The following RNF121 variants were observed in gnomAD, a reference collection of about 807,000 sequenced individuals.
RNF121 encodes ring finger protein 121.
RNF121 carries 21 observed loss-of-function variants against 46.5 expected under a neutral mutation model. The observed-to-expected ratio is 0.45, with a 90% CI of 0.32 to 0.65. The LOEUF is 0.65. RNF121 is among the 30% of genes least tolerant of loss of function. The probability of loss-of-function intolerance (pLI) is 0.04; values close to 1 mark genes in which losing one functional copy is unlikely to be tolerated. For missense variants in RNF121, 346 were observed against 416.0 expected, an observed-to-expected ratio of 0.83 and a Z score of 1.46; for synonymous variants, 139 against 144.7, an observed-to-expected ratio of 0.96 and a Z score of 0.28.
At chr11:71,991,933 C>T (rs1954869580) in intron 6 of RNF121, among the ~76,000 whole-genome samples, 1 of 149,800 alleles carries the variant, frequency 6.7e-6, no homozygotes, top group African/African-American at 2.5e-5. Context: ...AGTGAGACCC[C>T]ATCTCTACAA....
At chr11:71,983,047 C>A in intron 4 of RNF121, 132 bp downstream of exon 4, 1 of 730,780 alleles carries the variant, frequency 1.4e-6, no homozygotes. Context: ...TGGGGCCTCT[C>A]TAAAACAAGC....
Position 71,997,225 on chromosome 11 carries a change from T to TGTAC in RNF121, c.*913_*916dup, listed in dbSNP as rs1446381962. ...ATGCGTGTGTGTGTGTGTGTGTGTG[T>TGTAC]GTACGTGAGGCAGAAGAATATGACA... On this transcript the variant is annotated 3_prime_UTR_variant, in exon 9 of 9. Transcript: ENST00000361756. 1 of 152,124 alleles carries TGTAC rather than the reference T, an allele frequency of 6.6e-6. No homozygotes were observed. Among genetic ancestry groups the TGTAC allele is most frequent in the Non-Finnish European group, 1.5e-5 (1 of 68,030 alleles). 9.4% of individuals were successfully genotyped at this position (152,124 alleles called of 1,614,324 possible).
chr11:71,955,273 A>T (rs977973629), intron 1 of RNF121, among the ~76,000 whole-genome samples: 2 of 152,208 alleles, frequency 1.3e-5, no homozygotes, highest in Non-Finnish European at 2.9e-5. Flanking sequence ...CTAAGATAAC[A>T]TGAGACTGAA....
intron 6 of RNF121, among the ~76,000 whole-genome samples, chr11:71,994,004 C>T (rs917383178): frequency 1.3e-5 from 2 of 151,938 alleles, no homozygotes; most frequent in African/African-American, 4.8e-5. Flanking sequence ...CCATGCCTGG[C>T]TAATTTTTTG....
At chr11:71,990,557 C>G in intron 5 of RNF121, 40 bp from the exon 6 acceptor site, 4 of 1,608,844 alleles carry the variant, frequency 2.5e-6, no homozygotes, top group Non-Finnish European at 3.4e-6. Context: ...GAAGATATGT[C>G]TCAGGGTGGG....
intron 1 of RNF121, among the ~76,000 whole-genome samples, chr11:71,953,879 A>C (rs1238704762): frequency 6.6e-6 from 1 of 152,218 alleles, no homozygotes; most frequent in Non-Finnish European, 1.5e-5. Flanking sequence ...CCTAAAAAAA[A>C]TGTAGCAGTC....
intron 3 of RNF121, among the ~76,000 whole-genome samples, chr11:71,963,996 G>A (rs1373107913): frequency 6.6e-6 from 1 of 152,152 alleles, no homozygotes; most frequent in Admixed American, 6.5e-5. Flanking sequence ...GCTATTCTGA[G>A]TCCTTTGCAA....
intron 3 of RNF121, among the ~76,000 whole-genome samples, chr11:71,967,344 T>G (rs1301081053): frequency 1.1e-5 from 1 of 94,452 alleles, no homozygotes; most frequent in African/African-American, 3.2e-5. Context: ...ATGTGGGTTT[T>G]TTTTGTTTTT....
intron 3 of RNF121, among the ~76,000 whole-genome samples, chr11:71,965,769 A>T (rs981929747): frequency 2.0e-5 from 3 of 152,172 alleles, no homozygotes; most frequent in Non-Finnish European, 4.4e-5. Flanking sequence ...AACTTGCCAA[A>T]TTGCCCTCCA....
In RNF121 at chr11:71,971,716, T is replaced by C. The variant is rs146687075; in HGVS notation, c.243+10825T>C. Among the ~76,000 whole-genome samples, 3 of 152,254 alleles carry C rather than the reference T, an allele frequency of 2.0e-5. No individual in the cohort carries two copies. In the East Asian group the frequency reaches 5.8e-4, roughly 29 times the overall value. ...TCATTAGTAATTAGAGAAATGCACA[T>C]AAAAATATGAGATATCACTTTACAT... On this transcript the variant is annotated intron_variant, in intron 3 of 8. Transcript: ENST00000361756.
chr11:71,989,018 AAAAAT>A (rs1453116881), intron 5 of RNF121, among the ~76,000 whole-genome samples: 1 of 152,208 alleles, frequency 6.6e-6, no homozygotes, highest in Non-Finnish European at 1.5e-5. Context: ...TGTATGGTTA[AAAAAT>A]AAAATAAAAA....
At chr11:71,993,370 T>A (rs1954904114) in intron 6 of RNF121, among the ~76,000 whole-genome samples, 1 of 152,238 alleles carries the variant, frequency 6.6e-6, no homozygotes, top group South Asian at 2.1e-4. Context: ...CAGTAACTCA[T>A]TACCCCTTCC....
At chr11:71,977,017 C>G (rs1268283267) in intron 3 of RNF121, among the ~76,000 whole-genome samples, 2 of 152,186 alleles carry the variant, frequency 1.3e-5, no homozygotes, top group East Asian at 3.9e-4. Flanking sequence ...TCTTCCAAAT[C>G]ATTTATGAAA....
chr11:71,951,619 A>G (rs1953884038), intron 1 of RNF121, among the ~76,000 whole-genome samples: 1 of 150,522 alleles, frequency 6.6e-6, no homozygotes. Flanking sequence ...CCTGGGCACT[A>G]TAGCAAGACC....
At chr11:71,972,996 G>C (rs1354611574) in intron 3 of RNF121, among the ~76,000 whole-genome samples, 1 of 152,108 alleles carries the variant, frequency 6.6e-6, no homozygotes, top group Non-Finnish European at 1.5e-5. Context: ...AGACCATCCT[G>C]ACCAACATGG....
At chr11:71,950,601 T>C (rs1197396153) in intron 1 of RNF121, among the ~76,000 whole-genome samples, 1 of 151,442 alleles carries the variant, frequency 6.6e-6, no homozygotes, top group Non-Finnish European at 1.5e-5. Context: ...AAAAAAAAAA[T>C]TGTTGATATG....
chr11:71,978,335 C>A (rs543582706), intron 3 of RNF121: 10 of 247,920 alleles, frequency 4.0e-5, no homozygotes, highest in South Asian at 3.0e-4. Context: ...CAGCTGCTTT[C>A]TAGGCCCCAA....
chr11:71,951,478 T>TGAGGTAGTCTCAGCTACTTGG (rs1953878593), intron 1 of RNF121, among the ~76,000 whole-genome samples: 1 of 151,946 alleles, frequency 6.6e-6, no homozygotes, highest in East Asian at 1.9e-4. Flanking sequence ...CTTGGGAGGC[T>TGAGGTAGTCTCAGCTACTTGG]GAGGTAGTCT....
intron 4 of RNF121, 69 bp downstream of exon 4, chr11:71,982,984 C>T: frequency 6.8e-7 from 1 of 1,474,470 alleles, no homozygotes; most frequent in South Asian, 1.4e-5. Flanking sequence ...ATGGGAGGAG[C>T]ATAGGTTTAG....
Sources: gnomAD v4.1 joint callset for allele counts (sites outside exome capture counted in the v4.1 genomes callset) on GRCh38, gnomAD v4.1.1 for gene constraint, MANE v1.5 for transcripts, NCBI Gene and HGNC (gene_info 2026-07-23, HGNC 2026-07-21) for gene names.